The following MYLIP variants were observed in gnomAD, a reference collection of about 807,000 sequenced individuals.
The protein encoded by MYLIP is E3 ubiquitin-protein ligase MYLIP.
Under a neutral mutation model 45.8 loss-of-function variants are expected in MYLIP, and 26 were observed. That is an observed-to-expected ratio of 0.57 (90% CI 0.42 to 0.79). The LOEUF (loss-of-function observed/expected upper bound fraction) is 0.79. Ranked by LOEUF, MYLIP falls within the 30% of genes least tolerant of loss-of-function variation. The pLI is 0.00. For missense variants in MYLIP, 494 were observed against 555.6 expected, an observed-to-expected ratio of 0.89 and a Z score of 1.11; for synonymous variants, 213 against 218.1, an observed-to-expected ratio of 0.98 and a Z score of 0.21.
the MYLIP span, among the ~76,000 whole-genome samples, chr6:16,157,973 G>A: frequency 3.3e-4 from 50 of 152,350 alleles, no homozygotes; most frequent in African/African-American, 1.1e-3. Context: ...CAGCAGGAGT[G>A]TTTTATTGGG....
chr6:16,134,593 T>C (rs192428273), intron 2 of MYLIP, among the ~76,000 whole-genome samples: 90 of 152,340 alleles, frequency 5.9e-4, no homozygotes, highest in African/African-American at 2.1e-3. Context: ...AGCATCACTT[T>C]AACTGCAACC....
At chr6:16,133,909 T>C (rs895261384) in intron 2 of MYLIP, among the ~76,000 whole-genome samples, 2 of 152,142 alleles carry the variant, frequency 1.3e-5, no homozygotes, top group Non-Finnish European at 2.9e-5. Context: ...ACAGAAATGC[T>C]CTAATCCTGG....
In MYLIP at chr6:16,129,928, CG is replaced by C; in HGVS notation, c.87+524del. Among the ~76,000 whole-genome samples, 1 of 152,242 alleles carries C rather than the reference CG, an allele frequency of 6.6e-6. No homozygotes were observed. The highest frequency in any genetic ancestry group is 2.4e-5 in the African/African-American group (1 of 41,550). ...CCGTTCACCTGCATCTCCGGGTTTGCGGGGGACGGGAGGAATAGGTTTGGGT... is the reference window on the plus strand; with the variant it reads ...CCGTTCACCTGCATCTCCGGGTTTGCGGGGACGGGAGGAATAGGTTTGGGT... On this transcript the variant is annotated intron_variant, in intron 1 of 6. Transcript: ENST00000356840. This position sits in a 1 kb window ranked among gnomAD's most constrained non-coding sequence, Gnocchi z 5.1.
At position 16,146,703 on chromosome 6, in the gene MYLIP, C is replaced by A; in HGVS notation, c.1290C>A (p.His430Gln). The A allele has an allele frequency of 1.2e-6, 2 of 1,612,002 alleles. No individual in the cohort carries two copies. The highest frequency in any genetic ancestry group is 1.7e-6 in the Non-Finnish European group (2 of 1,178,868). The change falls in exon 7 of 7, where the codon CAC (histidine) becomes CAA (glutamine). Residue 430 changes from histidine to glutamine, a missense_variant. Transcript: ENST00000356840. ...GGTCGCGTGTGGAGCATGTCCAGCA[C>A]GTCTATCTGCCAACGCACACCAGTC... ...VCRSRVEHVQ[H>Q]VYLPTHTSLL...
chr6:16,157,294 T>C, the MYLIP span, among the ~76,000 whole-genome samples: 1 of 152,260 alleles, frequency 6.6e-6, no homozygotes, highest in Non-Finnish European at 1.5e-5. Flanking sequence ...ATCAATTTCT[T>C]CCTCCATTGT....
chr6:16,153,954 A>G, the MYLIP span, among the ~76,000 whole-genome samples: 1,262 of 152,276 alleles, frequency 8.3e-3, 21 homozygotes, highest in African/African-American at 0.029. Context: ...GGAAACTATT[A>G]AAGCAGCTTA....
intron 2 of MYLIP, among the ~76,000 whole-genome samples, chr6:16,133,895 G>C (rs1198297192): frequency 6.6e-6 from 1 of 152,104 alleles, no homozygotes; most frequent in Non-Finnish European, 1.5e-5. Context: ...CAGACTAAAT[G>C]TTCACAGAAA....
intron 2 of MYLIP, among the ~76,000 whole-genome samples, chr6:16,135,810 A>G (rs1410828474): frequency 6.9e-6 from 1 of 145,138 alleles, no homozygotes; most frequent in African/African-American, 2.5e-5. Context: ...GTGTATATAT[A>G]CAGTATATAT....
chr6:16,130,317 C>A (rs547687308), intron 1 of MYLIP, among the ~76,000 whole-genome samples: 16 of 152,252 alleles, frequency 1.1e-4, no homozygotes, highest in African/African-American at 3.9e-4. Flanking sequence ...TTGAGGACTC[C>A]TTTTTTCTCT....
At chr6:16,134,163 T>C (rs141082770) in intron 2 of MYLIP, among the ~76,000 whole-genome samples, 84 of 152,352 alleles carry the variant, frequency 5.5e-4, no homozygotes, top group African/African-American at 1.9e-3. Flanking sequence ...TCAGTCACTC[T>C]AATAACCTAA....
the MYLIP span, among the ~76,000 whole-genome samples, chr6:16,162,785 T>TAAAAAAAA: frequency 1.1e-3 from 74 of 69,562 alleles, 3 homozygotes; most frequent in African/African-American, 4.2e-3. Flanking sequence ...ACCTCAACTC[T>TAAAAAAAA]AAAAAAAAAA....
At chr6:16,159,275 A>C in the MYLIP span, among the ~76,000 whole-genome samples, 1 of 152,196 alleles carries the variant, frequency 6.6e-6, no homozygotes. Flanking sequence ...GACTTTCTCC[A>C]CTTTGCACAA....
the MYLIP span, among the ~76,000 whole-genome samples, chr6:16,160,327 ACT>A: frequency 2.0e-5 from 3 of 151,850 alleles, no homozygotes; most frequent in Non-Finnish European, 4.4e-5. Context: ...CTTCTCCCTG[ACT>A]CTGCTTCTGT....
chr6:16,129,178 C>T lies in MYLIP; in HGVS notation c.-145C>T. On this transcript the variant is annotated 5_prime_UTR_variant, in exon 1 of 7. Coordinates refer to ENST00000356840, the MANE Select transcript of MYLIP (RefSeq NM_013262.4). This position sits in a 1 kb window ranked among gnomAD's most constrained non-coding sequence, Gnocchi z 5.1. ...GTGGCGGGGACGCGAGTGGCGGCCG[C>T]GGGGCCCCGGACAAGGGTCCGCAGA... 3.8e-6 allele frequency: 3 copies of T among 799,278 alleles called. No individual in the cohort carries two copies. Among genetic ancestry groups the T allele is most frequent in the Non-Finnish European group, 5.8e-6 (3 of 520,246 alleles). The allele number at this position is 799,278 out of a possible 1,614,324, so 49.5% of individuals were successfully genotyped here.
rs1046404736 is a variant in MYLIP, at chr6:16,140,873, G to T, written c.279-752G>T. Among the ~76,000 whole-genome samples the T allele has an allele frequency of 1.1e-4, 17 of 151,554 alleles. 2 individuals are homozygous for T. Among genetic ancestry groups the T allele is most frequent in the Non-Finnish European group, 5.9e-5 (4 of 68,026 alleles). On this transcript the variant is annotated intron_variant, in intron 2 of 6. Coordinates refer to ENST00000356840, the MANE Select transcript of MYLIP (RefSeq NM_013262.4). ...GTTTATACTAGAAACAAGCAGCATGGAAGGTAGGCTGCCTGCATGGAGTCT... is the reference window on the plus strand; with the variant it reads ...GTTTATACTAGAAACAAGCAGCATGTAAGGTAGGCTGCCTGCATGGAGTCT...
intron 2 of MYLIP, among the ~76,000 whole-genome samples, 179 bp downstream of exon 2, chr6:16,130,926 G>C (rs899154902): frequency 1.0e-4 from 15 of 150,554 alleles, no homozygotes; most frequent in African/African-American, 3.2e-4. Context: ...TACTTGGTCT[G>C]AGTGCATTTT....
At chr6:16,162,019 A>G in the MYLIP span, among the ~76,000 whole-genome samples, 13 of 152,376 alleles carry the variant, frequency 8.5e-5, 1 homozygote, top group Admixed American at 3.3e-4. Context: ...GAAGCAAAAT[A>G]GTTTCCTACA....
At chr6:16,143,916 G>C in intron 5 of MYLIP, 53 bp downstream of exon 5, 1 of 1,566,944 alleles carries the variant, frequency 6.4e-7, no homozygotes, top group Admixed American at 1.8e-5. Flanking sequence ...CAGGTTTTTA[G>C]GTGACAACCA....
chr6:16,136,605 T>C (rs1759561183), intron 2 of MYLIP, among the ~76,000 whole-genome samples: 1 of 152,216 alleles, frequency 6.6e-6, no homozygotes, highest in African/African-American at 2.4e-5. Flanking sequence ...AAGAGTGGAA[T>C]AGCTGGGTCA....
Sources: gnomAD v4.1 joint callset for allele counts (sites outside exome capture counted in the v4.1 genomes callset) on GRCh38, gnomAD v4.1.1 for gene constraint, Gnocchi (gnomAD v3.1) non-coding constraint, MANE v1.5 for transcripts, NCBI Gene and HGNC (gene_info 2026-07-23, HGNC 2026-07-21) for gene names.